The following SCN11A variants were observed in gnomAD, a reference collection of about 807,000 sequenced individuals.
The protein encoded by SCN11A is sodium channel protein type 11 subunit alpha.
SCN11A carries 122 observed loss-of-function variants against 162.2 expected under a neutral mutation model. The observed-to-expected ratio is 0.75, with a 90% confidence interval of 0.65 to 0.87. SCN11A has a LOEUF of 0.87. SCN11A is among the 40% of genes least tolerant of loss of function. SCN11A has a pLI of 0.00. For missense variants in SCN11A, 2,015 were observed against 2,181.6 expected, an observed-to-expected ratio of 0.92 and a Z score of 1.52; for synonymous variants, 758 against 751.5, an observed-to-expected ratio of 1.01 and a Z score of -0.14.
chr3:38,965,136 G>T (rs1429478667), intron 2 of SCN11A, among the ~76,000 whole-genome samples: 1 of 152,182 alleles, frequency 6.6e-6, no homozygotes, highest in Admixed American at 6.5e-5. Context: ...TTCCTCCAGG[G>T]TTCTAATGGA....
At chr3:38,930,208 C>T (rs1169845375) in intron 7 of SCN11A, among the ~76,000 whole-genome samples, 1 of 152,110 alleles carries the variant, frequency 6.6e-6, no homozygotes, top group South Asian at 2.1e-4. Flanking sequence ...ACTATCCAGT[C>T]ATAATAGCCC....
chr3:39,029,164 A>C (rs1316269950), intron 2 of SCN11A, among the ~76,000 whole-genome samples: 3 of 152,076 alleles, frequency 2.0e-5, no homozygotes, highest in Non-Finnish European at 2.9e-5. Context: ...GAGCTAAGTC[A>C]CTCTCTGAAG....
intron 7 of SCN11A, among the ~76,000 whole-genome samples, chr3:38,932,286 T>C (rs1393124991): frequency 6.6e-6 from 1 of 152,098 alleles, no homozygotes; most frequent in Non-Finnish European, 1.5e-5. Context: ...GCTCCCAGCG[T>C]GAGCGACGCA....
intron 19 of SCN11A, among the ~76,000 whole-genome samples, chr3:38,892,066 T>G (rs1391200162): frequency 1.3e-5 from 2 of 152,156 alleles, no homozygotes; most frequent in Admixed American, 1.3e-4. Flanking sequence ...CAAGGTGACA[T>G]TGATAAAATT....
At chr3:38,971,361 A>G (rs1026989454) in intron 2 of SCN11A, among the ~76,000 whole-genome samples, 1 of 151,922 alleles carries the variant, frequency 6.6e-6, no homozygotes, top group Non-Finnish European at 1.5e-5. Context: ...GACTCCCTTT[A>G]CCCTAGAGGT....
At chr3:38,900,833 C>A (rs2126121727) in intron 16 of SCN11A, among the ~76,000 whole-genome samples, 1 of 152,080 alleles carries the variant, frequency 6.6e-6, no homozygotes, top group African/African-American at 2.4e-5. Context: ...TTTCCATGGG[C>A]AAAATAGTTT....
intron 2 of SCN11A, among the ~76,000 whole-genome samples, chr3:39,016,664 G>A (rs1294423231): frequency 6.6e-6 from 1 of 152,078 alleles, no homozygotes; most frequent in African/African-American, 2.4e-5. Context: ...GTGCAGTGGT[G>A]AGATCTTGGC....
rs952510489 is a variant in SCN11A, at chr3:38,972,071, G to A, written c.-279-11648C>T. On this transcript the variant is annotated intron_variant, in intron 2 of 29. Coordinates refer to ENST00000302328, the MANE Select transcript of SCN11A (RefSeq NM_001349253.2). Reference sequence around the variant, plus strand: ...TAAGAGGGCAAAGGAAACACTAGATGGCTGTTAATGGTGAACTGAATATGA... The same window carrying A: ...TAAGAGGGCAAAGGAAACACTAGATAGCTGTTAATGGTGAACTGAATATGA... Among the ~76,000 whole-genome samples the A allele has an allele frequency of 4.3e-4, 66 of 152,136 alleles. 1 individual carries two copies. The highest frequency in any genetic ancestry group is 1.5e-3 in the African/African-American group (61 of 41,420).
At chr3:38,930,387 G>A (rs1471885193) in intron 7 of SCN11A, among the ~76,000 whole-genome samples, 1 of 152,190 alleles carries the variant, frequency 6.6e-6, no homozygotes. Context: ...ATTAAATAAT[G>A]TCTGTCCTAA....
chr3:39,014,596 C>T (rs2031237107), intron 2 of SCN11A, among the ~76,000 whole-genome samples: 1 of 152,182 alleles, frequency 6.6e-6, no homozygotes, highest in African/African-American at 2.4e-5. Flanking sequence ...ATCAAGCCAG[C>T]TGCTTCTGGA....
chr3:39,024,548 C>T (rs1010307835), intron 2 of SCN11A, among the ~76,000 whole-genome samples: 1 of 152,220 alleles, frequency 6.6e-6, no homozygotes, highest in East Asian at 1.9e-4. Flanking sequence ...AATCCCTGTT[C>T]CCCAAGGCAG....
intron 2 of SCN11A, among the ~76,000 whole-genome samples, chr3:38,978,682 A>G (rs1213738121): frequency 1.3e-5 from 2 of 152,208 alleles, no homozygotes; most frequent in African/African-American, 2.4e-5. Flanking sequence ...ATAAACAGAA[A>G]GTAATATAAA....
intron 19 of SCN11A, among the ~76,000 whole-genome samples, chr3:38,888,115 A>G (rs1356237676): frequency 1.3e-5 from 2 of 152,232 alleles, no homozygotes; most frequent in Non-Finnish European, 2.9e-5. Context: ...GCTGAGGTAA[A>G]GTTTTTGCAC....
intron 2 of SCN11A, among the ~76,000 whole-genome samples, chr3:39,000,698 C>G (rs2030782429): frequency 6.6e-6 from 1 of 152,170 alleles, no homozygotes; most frequent in African/African-American, 2.4e-5. Flanking sequence ...CACTACCTAG[C>G]ACGTTGAAGA....
intron 1 of SCN11A, among the ~76,000 whole-genome samples, chr3:39,035,376 G>T (rs1210625512): frequency 6.6e-6 from 1 of 152,086 alleles, no homozygotes; most frequent in East Asian, 1.9e-4. Flanking sequence ...AATGGTGCTG[G>T]GAAAACTGGA....
intron 8 of SCN11A, 125 bp downstream of exon 8, chr3:38,926,678 T>G: frequency 1.0e-6 from 1 of 984,020 alleles, no homozygotes; most frequent in Non-Finnish European, 1.5e-6. Flanking sequence ...AACACAGCAC[T>G]CAGAGCTCTA....
intron 2 of SCN11A, among the ~76,000 whole-genome samples, chr3:39,028,428 A>C (rs1485415566): frequency 2.6e-5 from 4 of 152,244 alleles, no homozygotes; most frequent in African/African-American, 7.2e-5. Context: ...GTCAATTGGC[A>C]CATAGGATCC....
chr3:38,858,238 T>C (rs1371452747), intron 28 of SCN11A, among the ~76,000 whole-genome samples: 1 of 152,078 alleles, frequency 6.6e-6, no homozygotes. Flanking sequence ...AATTGTAGAA[T>C]GGATACAAAC....
intron 2 of SCN11A, among the ~76,000 whole-genome samples, chr3:39,019,752 A>G (rs879055178): frequency 1.3e-5 from 2 of 151,756 alleles, no homozygotes; most frequent in Non-Finnish European, 2.9e-5. Flanking sequence ...TTTAATTCAT[A>G]TGTCACTTTC....
Sources: allele counts gnomAD v4.1 joint callset (sites outside exome capture counted in the v4.1 genomes callset), GRCh38; gene constraint gnomAD v4.1.1; transcripts MANE v1.5; gene names NCBI Gene and HGNC (gene_info 2026-07-23, HGNC 2026-07-21).